The following PPP3CC variants were observed in gnomAD, a reference collection of about 807,000 sequenced individuals.
PPP3CC encodes serine/threonine-protein phosphatase 2B catalytic subunit gamma isoform.
In PPP3CC, 35 loss-of-function variants were observed where a neutral mutation model predicts 60.3. The ratio of observed to expected loss-of-function variants is 0.58; its 90% CI spans 0.44 to 0.77. The LOEUF (loss-of-function observed/expected upper bound fraction) is 0.77. Ranked by LOEUF, PPP3CC falls within the 30% of genes least tolerant of loss-of-function variation. The pLI, the probability that PPP3CC is intolerant of heterozygous loss-of-function variation, is 0.00. For synonymous variants in PPP3CC, 206 were observed against 224.3 expected (o/e 0.92, Z 0.73); for missense variants, 570 against 628.9 (o/e 0.91, Z 1.00).
At chr8:22,481,701 A>G (rs1336678519) in intron 3 of PPP3CC, among the ~76,000 whole-genome samples, 1 of 149,888 alleles carries the variant, frequency 6.7e-6, no homozygotes, top group Non-Finnish European at 1.5e-5. Flanking sequence ...CTAGCCCCCC[A>G]CCTACCAATA....
intron 1 of PPP3CC, 104 bp downstream of exon 1, chr8:22,441,562 A>AG: frequency 7.7e-7 from 1 of 1,297,990 alleles, no homozygotes; most frequent in Non-Finnish European, 1.0e-6. Context: ...CGCCCACCCT[A>AG]GGAGGGCTCG....
At chr8:22,448,631 C>G (rs7823311) in intron 1 of PPP3CC, among the ~76,000 whole-genome samples, 83,383 of 151,764 alleles carry the variant, frequency 0.55, 24,069 homozygotes, top group African/African-American at 0.73. Flanking sequence ...TGCCCACCTC[C>G]GCCTCCCAAA....
At chr8:22,538,406 C>T (rs1335152190) in intron 12 of PPP3CC, among the ~76,000 whole-genome samples, 1 of 152,192 alleles carries the variant, frequency 6.6e-6, no homozygotes, top group African/African-American at 2.4e-5. Context: ...ACATGCCTGC[C>T]TATGGTTGAC....
At chr8:22,450,302 T>C (rs1437530347) in intron 1 of PPP3CC, among the ~76,000 whole-genome samples, 1 of 152,070 alleles carries the variant, frequency 6.6e-6, no homozygotes, top group Non-Finnish European at 1.5e-5. Flanking sequence ...ATTGAAGAGA[T>C]TGAAGTGAAA....
chr8:22,518,150 A>ACTCCTGGGCTCAAGCAGTC lies in PPP3CC; in HGVS notation c.771-4334_771-4316dup, dbSNP rs1357008583. Among the ~76,000 whole-genome samples the ACTCCTGGGCTCAAGCAGTC allele has an allele frequency of 2.6e-5, 4 of 151,388 alleles. No homozygotes were observed. In the East Asian group the frequency reaches 7.8e-4, roughly 29 times the overall value. ...CAATGATACCTCACTGCAACCTTGA[A>ACTCCTGGGCTCAAGCAGTC]CTCCTGGGCTCAAGCAGTCCTCCTG... On this transcript the variant is annotated intron_variant, in intron 6 of 13. Transcript: ENST00000240139.
Position 22,441,213 on chromosome 8 carries a change from T to G in PPP3CC, c.-197T>G, listed in dbSNP as rs2272080. 0.11 allele frequency: 49,861 copies of G among 462,214 alleles called. 5,995 individuals carry two copies. The highest frequency in any genetic ancestry group is 0.44 in the African/African-American group (21,398 of 48,600). 28.6% of individuals were successfully genotyped at this position (462,214 alleles called of 1,614,324 possible). ...TCCCAAGAGAGCGGCCGGTGGGCCC[T>G]CGTCCTGTCAGTGGCGTCGGAGGCC... On this transcript the variant is annotated 5_prime_UTR_variant, in exon 1 of 14. Coordinates refer to ENST00000240139, the MANE Select transcript of PPP3CC (RefSeq NM_005605.5).
intron 3 of PPP3CC, among the ~76,000 whole-genome samples, chr8:22,489,455 T>G (rs888652452): frequency 6.6e-6 from 1 of 151,126 alleles, no homozygotes; most frequent in African/African-American, 2.4e-5. Flanking sequence ...AATGTATATA[T>G]GAATGAATGA....
Position 22,498,102 on chromosome 8 carries a change from C to G in PPP3CC, c.474C>G (p.Phe158Leu). The change falls in exon 4 of 14, where the codon TTC becomes TTG. Residue 158 changes from phenylalanine to leucine, a missense_variant. Phe to Leu is a conservative substitution (Grantham distance 22, BLOSUM62 0). Coordinates refer to ENST00000240139, the MANE Select transcript of PPP3CC (RefSeq NM_005605.5). ...ECRHLTDYFT[F>L]KQECRIKYSE... ...GGCATCTTACAGACTATTTCACCTTCAAACAGGAATGTAAGTATAATCACT... is the reference window on the plus strand; with the variant it reads ...GGCATCTTACAGACTATTTCACCTTGAAACAGGAATGTAAGTATAATCACT... 1 of 1,604,306 alleles carries G rather than the reference C, an allele frequency of 6.2e-7. No homozygotes were observed. The highest frequency in any genetic ancestry group is 8.5e-7 in the Non-Finnish European group (1 of 1,171,602).
At chr8:22,537,272 T>TC (rs1839864219) in intron 12 of PPP3CC, among the ~76,000 whole-genome samples, 1 of 152,190 alleles carries the variant, frequency 6.6e-6, no homozygotes, top group African/African-American at 2.4e-5. Context: ...TTGACATTTT[T>TC]CCCATGAAGA....
intron 1 of PPP3CC, among the ~76,000 whole-genome samples, chr8:22,462,930 A>G (rs1317697239): frequency 6.6e-6 from 1 of 152,236 alleles, no homozygotes; most frequent in Non-Finnish European, 1.5e-5. Flanking sequence ...AAAGTTTAAA[A>G]TAATGTCCCA....
chr8:22,444,823 A>T (rs1836775869), intron 1 of PPP3CC, among the ~76,000 whole-genome samples: 1 of 152,224 alleles, frequency 6.6e-6, no homozygotes, highest in Non-Finnish European at 1.5e-5. Context: ...AGGCACCCAA[A>T]TGATTAAATT....
At chr8:22,471,699 A>C (rs1399698901) in intron 1 of PPP3CC, among the ~76,000 whole-genome samples, 1 of 152,196 alleles carries the variant, frequency 6.6e-6, no homozygotes, top group East Asian at 1.9e-4. Context: ...TGGGGCTTAC[A>C]GGACTGGAAG....
At chr8:22,500,436 A>C (rs1838728436) in intron 4 of PPP3CC, among the ~76,000 whole-genome samples, 1 of 152,058 alleles carries the variant, frequency 6.6e-6, no homozygotes, top group Non-Finnish European at 1.5e-5. Context: ...TTATTATCTT[A>C]GAAAAATATA....
chr8:22,476,789 G>A (rs1015534960), intron 3 of PPP3CC, among the ~76,000 whole-genome samples: 1 of 151,970 alleles, frequency 6.6e-6, no homozygotes, highest in Non-Finnish European at 1.5e-5. Context: ...AAAATTAGCC[G>A]GGTGTGTAGG....
chr8:22,464,388 T>G (rs1157038009), intron 1 of PPP3CC, among the ~76,000 whole-genome samples: 1 of 152,184 alleles, frequency 6.6e-6, no homozygotes, highest in Non-Finnish European at 1.5e-5. Context: ...TATTATTTAC[T>G]TATTTTTTAG....
intron 12 of PPP3CC, among the ~76,000 whole-genome samples, chr8:22,533,414 C>G (rs1839769526): frequency 6.6e-6 from 1 of 152,138 alleles, no homozygotes; most frequent in Non-Finnish European, 1.5e-5. Flanking sequence ...TTTTGCAATA[C>G]ACGTCTCACC....
intron 6 of PPP3CC, among the ~76,000 whole-genome samples, chr8:22,516,001 C>T (rs140176912): frequency 0.012 from 1,830 of 151,574 alleles, 26 homozygotes; most frequent in South Asian, 0.049. Flanking sequence ...TGCAGTGGCA[C>T]CATAACAGCT....
chr8:22,479,949 T>G (rs958998085), intron 3 of PPP3CC, among the ~76,000 whole-genome samples: 1 of 152,166 alleles, frequency 6.6e-6, no homozygotes, highest in African/African-American at 2.4e-5. Flanking sequence ...TGTAATCAAT[T>G]TATATTCTGC....
chr8:22,458,303 A>G (rs1470937373), intron 1 of PPP3CC, among the ~76,000 whole-genome samples: 1 of 151,944 alleles, frequency 6.6e-6, no homozygotes, highest in Non-Finnish European at 1.5e-5. Flanking sequence ...GAACTTCACT[A>G]TTAACAAATA....
Sources: gnomAD v4.1 joint callset for allele counts (sites outside exome capture counted in the v4.1 genomes callset) on GRCh38, gnomAD v4.1.1 for gene constraint, MANE v1.5 for transcripts, NCBI Gene and HGNC (gene_info 2026-07-23, HGNC 2026-07-21) for gene names.